ITFG1: variants seen among roughly 807,000 people sequenced by gnomAD.
ITFG1 encodes the protein T-cell immunomodulatory protein.
Under a neutral mutation model 81.8 loss-of-function variants are expected in ITFG1, and 34 were observed. That is an observed-to-expected ratio of 0.42 (90% CI 0.32 to 0.55). The LOEUF is 0.55. Among genes scored for constraint, ITFG1 ranks in the 20% least tolerant of loss-of-function variants. The pLI is 0.17. For synonymous variants in ITFG1, 285 were observed against 270.6 expected (o/e 1.05, Z -0.52); for missense variants, 672 against 755.4 (o/e 0.89, Z 1.29).
intron 8 of ITFG1, among the ~76,000 whole-genome samples, chr16:47,335,358 A>AAAAAC (rs999993232): frequency 6.6e-6 from 1 of 152,134 alleles, no homozygotes; most frequent in East Asian, 1.9e-4. Context: ...GACTCTAAGA[A>AAAAAC]AAAACAAAAC....
At chr16:47,354,278 G>C (rs1339641732) in intron 8 of ITFG1, among the ~76,000 whole-genome samples, 1 of 151,914 alleles carries the variant, frequency 6.6e-6, no homozygotes, top group South Asian at 2.1e-4. Flanking sequence ...CTTTGACAAA[G>C]GTACCAAGAA....
intron 6 of ITFG1, among the ~76,000 whole-genome samples, chr16:47,376,500 GA>G (rs565342295): frequency 3.3e-5 from 5 of 151,234 alleles, no homozygotes; most frequent in East Asian, 1.9e-4. Context: ...AAATTTCTTT[GA>G]AAAAAAATAG....
At chr16:47,327,801 C>T (rs1449086602) in intron 8 of ITFG1, among the ~76,000 whole-genome samples, 1 of 152,078 alleles carries the variant, frequency 6.6e-6, no homozygotes, top group Admixed American at 6.6e-5. Flanking sequence ...GTTAGAATGG[C>T]AATCATTAAA....
chr16:47,283,830 A>G (rs1032227467), intron 10 of ITFG1, among the ~76,000 whole-genome samples: 7 of 152,244 alleles, frequency 4.6e-5, no homozygotes, highest in Non-Finnish European at 7.3e-5. Flanking sequence ...ACCTTTCTAC[A>G]ATATTGTGTC....
intron 6 of ITFG1, among the ~76,000 whole-genome samples, chr16:47,427,656 A>AGTAACAT (rs113147276): frequency 0.12 from 17,978 of 152,090 alleles, 2,328 homozygotes; most frequent in African/African-American, 0.33. Context: ...CTAGGAACAT[A>AGTAACAT]GTAACATGTT....
intron 10 of ITFG1, among the ~76,000 whole-genome samples, chr16:47,292,883 C>G (rs1159525856): frequency 1.3e-5 from 2 of 149,600 alleles, no homozygotes; most frequent in African/African-American, 4.9e-5. Flanking sequence ...ATTTTACAAT[C>G]TATGTCCATT....
intron 6 of ITFG1, among the ~76,000 whole-genome samples, chr16:47,382,503 C>G (rs1968407717): frequency 6.6e-6 from 1 of 152,152 alleles, no homozygotes; most frequent in Non-Finnish European, 1.5e-5. Flanking sequence ...CTGATGATCT[C>G]TAATTCAAGA....
chr16:47,158,858 T>C lies in ITFG1; in HGVS notation c.1779+15A>G. ...TAAATTAACCAAAATTAATGCTTCC[T>C]TTAAATGAACAAACCTTTTCCTGCC... On this transcript the variant is annotated intron_variant, in intron 17 of 17. Coordinates refer to ENST00000320640, the MANE Select transcript of ITFG1 (RefSeq NM_030790.5). 7.1e-7 allele frequency: 1 copy of C among 1,403,418 alleles called. No individual in the cohort carries two copies. The highest frequency in any genetic ancestry group is 2.3e-5 in the East Asian group (1 of 43,160). 86.9% of individuals were successfully genotyped at this position (1,403,418 alleles called of 1,614,324 possible).
intron 14 of ITFG1, among the ~76,000 whole-genome samples, chr16:47,186,032 C>G (rs996925818): frequency 1.8e-4 from 28 of 152,172 alleles, no homozygotes; most frequent in Non-Finnish European, 4.0e-4. Flanking sequence ...AATTCCTCGA[C>G]ACATACACCC....
In ITFG1 at chr16:47,219,061, C is replaced by A. The variant is rs572274212; in HGVS notation, c.1375-115G>T. 9.9e-6 allele frequency: 5 copies of A among 505,562 alleles called. No individual in the cohort carries two copies. In the East Asian group the frequency reaches 1.0e-4, roughly 10 times the overall value. 31.3% of individuals were successfully genotyped at this position (505,562 alleles called of 1,614,324 possible). Reference sequence around the variant, plus strand: ...TACACAGATGACAGTTACTTAGAGACCCCTTCCATTAACAGCACATCAAAA... The same window carrying A: ...TACACAGATGACAGTTACTTAGAGAACCCTTCCATTAACAGCACATCAAAA... On this transcript the variant is annotated intron_variant, in intron 13 of 17. Coordinates refer to ENST00000320640, the MANE Select transcript of ITFG1 (RefSeq NM_030790.5).
chr16:47,302,013 T>C (rs933668572), intron 10 of ITFG1, among the ~76,000 whole-genome samples: 1 of 151,390 alleles, frequency 6.6e-6, no homozygotes, highest in Non-Finnish European at 1.5e-5. Flanking sequence ...TGTGACCTTG[T>C]CTAGTTTCCC....
intron 6 of ITFG1, among the ~76,000 whole-genome samples, chr16:47,385,031 CTCTCTTGTT>C (rs1391222708): frequency 6.6e-6 from 1 of 152,198 alleles, no homozygotes; most frequent in Non-Finnish European, 1.5e-5. Context: ...GGCAGAGGTA[CTCTCTTGTT>C]GGACGAATTT....
intron 13 of ITFG1, among the ~76,000 whole-genome samples, chr16:47,227,375 T>C (rs1160476831): frequency 6.6e-6 from 1 of 152,194 alleles, no homozygotes; most frequent in African/African-American, 2.4e-5. Flanking sequence ...CATCTGATGC[T>C]TGTTTGAAAG....
chr16:47,161,240 G>A (rs978921768), intron 16 of ITFG1, among the ~76,000 whole-genome samples: 1 of 152,208 alleles, frequency 6.6e-6, no homozygotes, highest in African/African-American at 2.4e-5. Context: ...TTGGCACTGT[G>A]TTAAGTATAT....
intron 6 of ITFG1, among the ~76,000 whole-genome samples, chr16:47,418,285 C>G (rs894604629): frequency 2.6e-5 from 4 of 152,118 alleles, no homozygotes; most frequent in Admixed American, 6.5e-5. Flanking sequence ...TTGTCCCTTG[C>G]CTAATGAACA....
At chr16:47,328,466 T>TATA (rs920794164) in intron 8 of ITFG1, among the ~76,000 whole-genome samples, 4 of 151,766 alleles carry the variant, frequency 2.6e-5, no homozygotes, top group African/African-American at 9.7e-5. Flanking sequence ...AAACTTAAAG[T>TATA]ATAATAATAA....
intron 17 of ITFG1, 101 bp from the exon 18 acceptor site, chr16:47,155,879 A>G (rs924987803): frequency 3.8e-6 from 3 of 791,658 alleles, no homozygotes; most frequent in Non-Finnish European, 6.2e-6. Flanking sequence ...GTCTCCAGCA[A>G]TTAGCAGATA....
chr16:47,433,792 T>TATATATATATATATAC (rs1491145615), intron 5 of ITFG1, among the ~76,000 whole-genome samples: 8 of 135,652 alleles, frequency 5.9e-5, no homozygotes, highest in African/African-American at 2.0e-4. Context: ...TATATATATA[T>TATATATATATATATAC]ACACACACAC....
chr16:47,361,730 G>C (rs1968111658), intron 8 of ITFG1, among the ~76,000 whole-genome samples: 4 of 152,154 alleles, frequency 2.6e-5, no homozygotes, highest in Admixed American at 2.6e-4. Flanking sequence ...GATAACTTTT[G>C]GGCCACTAAT....
Sources: gnomAD v4.1 joint callset for allele counts (sites outside exome capture counted in the v4.1 genomes callset) on GRCh38, gnomAD v4.1.1 for gene constraint, MANE v1.5 for transcripts, NCBI Gene and HGNC (gene_info 2026-07-23, HGNC 2026-07-21) for gene names.